The following SYNE2 variants were observed in gnomAD, a reference collection of about 807,000 sequenced individuals.
SYNE2 encodes the protein spectrin repeat containing nuclear envelope protein 2, also known as nesprin-2.
SYNE2 carries 431 observed loss-of-function variants against 856.3 expected under a neutral mutation model. The ratio of observed to expected loss-of-function variants is 0.50; its 90% CI spans 0.47 to 0.55. The LOEUF (loss-of-function observed/expected upper bound fraction) is 0.55, where lower values mean the gene tolerates loss of function less well. Ranked by LOEUF, SYNE2 falls within the 20% of genes least tolerant of loss-of-function variation. The pLI is 0.00. For missense variants in SYNE2, 8,129 were observed against 8,023.2 expected, an observed-to-expected ratio of 1.01 and a Z score of -0.50; for synonymous variants, 2,923 against 2,872.3, an observed-to-expected ratio of 1.02 and a Z score of -0.56.
In SYNE2 at chr14:64,052,142, C is replaced by A; in HGVS notation, c.8229C>A (p.Ala2743=). ...RNKMKETILW[A]KNLLGELNPS... is the part of the protein sequence containing the mutation. The stretch of plus-strand genomic sequence containing the variant: ...AGATGAAAGAGACTATCTTATGGGC[C>A]AAGAATTTGTTGGGTGAACTTAATC... The change falls in exon 48 of 116, where the codon GCC becomes GCA. Residue 2743 remains alanine, a synonymous_variant. Coordinates refer to ENST00000555002, the MANE Select transcript of SYNE2 (RefSeq NM_182914.3). The A allele has an allele frequency of 6.2e-7, 1 of 1,614,056 alleles. No individual in the cohort carries two copies. Among genetic ancestry groups the A allele is most frequent in the Non-Finnish European group, 8.5e-7 (1 of 1,180,018 alleles).
At chr14:63,955,761 C>T (rs560758031) in intron 8 of SYNE2, among the ~76,000 whole-genome samples, 19 of 152,256 alleles carry the variant, frequency 1.2e-4, no homozygotes, top group South Asian at 8.3e-4. Context: ...ATAATTATAA[C>T]GTTTATGATA....
rs5809213 is a variant in SYNE2, at chr14:64,141,812, G to GT, written c.15160-120dup. 32,858 of 963,682 alleles carry GT rather than the reference G, an allele frequency of 0.034. 158 individuals carry two copies. The highest frequency in any genetic ancestry group is 0.097 in the East Asian group (2,736 of 28,208). The allele number at this position is 963,682 out of a possible 1,614,324, so 59.7% of individuals were successfully genotyped here. On this transcript the variant is annotated intron_variant, in intron 81 of 115. Coordinates refer to ENST00000555002, the MANE Select transcript of SYNE2 (RefSeq NM_182914.3). ...TATTCTAAGTTTGAATGCTGGGTTT[G>GT]TTTTTTTTTTGAGTAACCTGCATAA... is the stretch of plus-strand genomic sequence containing the variant.
At chr14:63,780,979 C>A (rs1887283404) in intron 1 of SYNE2, among the ~76,000 whole-genome samples, 1 of 151,814 alleles carries the variant, frequency 6.6e-6, no homozygotes, top group East Asian at 1.9e-4. Flanking sequence ...TAAATGATAC[C>A]CTTAAGATTC....
rs1260329493 is a variant in SYNE2 at position 64,210,001 on chromosome 14, C to T, written c.18600C>T (p.Tyr6200=). 1.2e-6 allele frequency: 2 copies of T among 1,614,142 alleles called. No homozygotes were observed. The highest frequency in any genetic ancestry group is 1.7e-5 in the Admixed American group (1 of 60,024). Residue 6200 remains tyrosine (Y), a synonymous_variant, in exon 103 of 116, where the codon TAC becomes TAT. Transcript: ENST00000555002. ...LTQLELINKQ[Y]RRLARENRTD... is the part of the protein sequence containing the mutation. ...AGCTGGAGCTCATCAACAAGCAGTA[C>T]CGGCGGCTGGCCCGGGAGAACCGCA...
intron 46 of SYNE2, 173 bp downstream of exon 46, chr14:64,048,328 T>G: frequency 3.7e-6 from 2 of 539,660 alleles, no homozygotes; most frequent in East Asian, 3.1e-5. Context: ...GTATAAATCT[T>G]TCCATTTAGA....
chr14:64,095,787 C>T (rs1288285066), intron 61 of SYNE2, among the ~76,000 whole-genome samples: 3 of 151,942 alleles, frequency 2.0e-5, no homozygotes, highest in Non-Finnish European at 4.4e-5. Context: ...ATGTTTTTTC[C>T]TCCCAAAAAA....
intron 1 of SYNE2, among the ~76,000 whole-genome samples, chr14:63,889,046 C>CAAAAAAAAAAAA (rs200729691): frequency 9.2e-6 from 1 of 108,642 alleles, no homozygotes. Context: ...TACTAAAATA[C>CAAAAAAAAAAAA]AAAAAAAAAA....
chr14:63,996,331 G>T (rs1168548110), intron 23 of SYNE2, among the ~76,000 whole-genome samples: 10 of 152,152 alleles, frequency 6.6e-5, no homozygotes, highest in Non-Finnish European at 1.2e-4. Context: ...GATGATGGTT[G>T]CTTCATCTCA....
Position 64,213,083 on chromosome 14 carries a change from G to A in SYNE2, c.19056+78G>A, listed in dbSNP as rs539493333. 83 of 1,466,934 alleles carry A rather than the reference G, an allele frequency of 5.7e-5. 3 individuals carry two copies. The South Asian group carries it at 8.5e-4, about 15-fold the overall frequency. 90.9% of individuals were successfully genotyped at this position (1,466,934 alleles called of 1,614,324 possible). A position where few individuals can be genotyped will look rare whatever the true frequency, so the allele number is the denominator to read the frequency against. ...AGACCAAATTTTTAAAGAATTAGGG[G>A]ACCTGTCTTATAATGGTTAATTATG... On this transcript the variant is annotated intron_variant, in intron 105 of 115. Coordinates refer to ENST00000555002, the MANE Select transcript of SYNE2 (RefSeq NM_182914.3).
chr14:63,964,122 G>A, intron 10 of SYNE2, 122 bp downstream of exon 10: 3 of 689,930 alleles, frequency 4.3e-6, no homozygotes. Flanking sequence ...AAGTTTTAAG[G>A]CTGAATTCTA....
chr14:63,789,788 G>A (rs201712865), intron 1 of SYNE2, among the ~76,000 whole-genome samples: 6 of 132,798 alleles, frequency 4.5e-5, no homozygotes, highest in Non-Finnish European at 6.9e-5. Flanking sequence ...AAAAAAAAAA[G>A]AAGAAGAAGT....
At chr14:63,964,907 G>A (rs1226806714) in intron 10 of SYNE2, among the ~76,000 whole-genome samples, 6 of 151,762 alleles carry the variant, frequency 4.0e-5, no homozygotes, top group African/African-American at 7.3e-5. Flanking sequence ...GGGCTCAACC[G>A]AGAGTCCTTT....
Position 64,060,959 on chromosome 14 carries a change from G to A in SYNE2, c.10068-1792G>A, listed in dbSNP as rs8019157. On this transcript the variant is annotated intron_variant, in intron 49 of 115. Coordinates refer to ENST00000555002, the MANE Select transcript of SYNE2 (RefSeq NM_182914.3). Reference sequence around the variant, plus strand: ...AGTTGCTGCGCTTTCCCTCCCCCACGTGCACGGATTCTTTCTCCCTGCCAT... The same window carrying A: ...AGTTGCTGCGCTTTCCCTCCCCCACATGCACGGATTCTTTCTCCCTGCCAT... 6.5e-3 allele frequency among the ~76,000 whole-genome samples: 989 copies of A among 152,232 alleles called. 7 individuals carry two copies. The highest frequency in any genetic ancestry group is 0.022 in the African/African-American group (929 of 41,536).
chr14:63,859,958 T>TCCCC (rs1893066853), intron 1 of SYNE2, among the ~76,000 whole-genome samples: 1 of 65,302 alleles, frequency 1.5e-5, no homozygotes, highest in African/African-American at 6.2e-5. Context: ...CCTCCCTCCC[T>TCCCC]CCCTCCCTCC....
At chr14:64,049,573 T>A in intron 46 of SYNE2, 38 bp from the exon 47 acceptor site, 1 of 1,606,014 alleles carries the variant, frequency 6.2e-7, no homozygotes, top group Non-Finnish European at 8.5e-7. Context: ...CATAAATAAG[T>A]GAGTGTTTAT....
chr14:63,920,719 G>T (rs1566803021), intron 2 of SYNE2, among the ~76,000 whole-genome samples: 2 of 151,866 alleles, frequency 1.3e-5, no homozygotes, highest in African/African-American at 4.8e-5. Flanking sequence ...GGTGGCCGTG[G>T]AGATGGAGAG....
intron 1 of SYNE2, among the ~76,000 whole-genome samples, chr14:63,897,036 G>A (rs981826232): frequency 3.3e-5 from 5 of 152,114 alleles, no homozygotes; most frequent in Admixed American, 6.5e-5. Context: ...CAGATCACCT[G>A]TCATCAGGAG....
intron 1 of SYNE2, among the ~76,000 whole-genome samples, chr14:63,783,221 G>C (rs1887383112): frequency 6.6e-6 from 1 of 152,128 alleles, no homozygotes; most frequent in Non-Finnish European, 1.5e-5. Context: ...GTGTTTGGTA[G>C]TTCCTCCTGC....
chr14:64,091,143 T>TACAATAATAGG, intron 60 of SYNE2, 95 bp downstream of exon 60: 1 of 1,174,482 alleles, frequency 8.5e-7, no homozygotes, highest in Non-Finnish European at 1.2e-6. Flanking sequence ...ATTATTATCC[T>TACAATAATAGG]ATTATTGTAG....
Sources: gnomAD v4.1 joint callset for allele counts (sites outside exome capture counted in the v4.1 genomes callset) on GRCh38, gnomAD v4.1.1 for gene constraint, MANE v1.5 for transcripts, NCBI Gene and HGNC (gene_info 2026-07-23, HGNC 2026-07-21) for gene names.